AGBL4: variants seen among roughly 807,000 people sequenced by gnomAD.
AGBL4 encodes the protein cytosolic carboxypeptidase 6.
AGBL4 carries 58 observed loss-of-function variants against 66.4 expected under a neutral mutation model. The observed-to-expected ratio is 0.87, with a 90% CI of 0.71 to 1.09. The LOEUF is 1.09. AGBL4 is among the 50% of genes least tolerant of loss of function. The pLI is 0.00. For missense variants in AGBL4, 579 were observed against 631.0 expected, an observed-to-expected ratio of 0.92 and a Z score of 0.88; for synonymous variants, 234 against 222.9, an observed-to-expected ratio of 1.05 and a Z score of -0.44.
chr1:49,843,296 TTG>T (rs71307607), intron 2 of AGBL4, among the ~76,000 whole-genome samples: 3,429 of 147,778 alleles, frequency 0.023, 47 homozygotes, highest in Non-Finnish European at 0.036. Context: ...CTAGCTAATT[TTG>T]TGTGTGTGTG....
intron 4 of AGBL4, among the ~76,000 whole-genome samples, chr1:49,245,283 C>G (rs189885596): frequency 6.6e-6 from 1 of 150,914 alleles, no homozygotes; most frequent in East Asian, 1.9e-4. Context: ...CACACACACA[C>G]ACACACACAC....
intron 5 of AGBL4, among the ~76,000 whole-genome samples, chr1:48,873,375 T>A (rs766060934): frequency 2.0e-5 from 3 of 152,210 alleles, no homozygotes; most frequent in Admixed American, 2.0e-4. Flanking sequence ...GTTATTTGGC[T>A]CTTAACTCAC....
chr1:48,713,975 G>A (rs1443908071), intron 6 of AGBL4, among the ~76,000 whole-genome samples: 1 of 152,116 alleles, frequency 6.6e-6, no homozygotes, highest in Non-Finnish European at 1.5e-5. Flanking sequence ...CCCTACCCAA[G>A]GCTTGCTCAT....
intron 6 of AGBL4, chr1:48,761,270 ACT>A (rs1417141686): frequency 1.4e-6 from 2 of 1,461,970 alleles, no homozygotes; most frequent in African/African-American, 2.9e-5. Flanking sequence ...CCAGACTGAA[ACT>A]CTTTAGCTAC....
intron 1 of AGBL4, among the ~76,000 whole-genome samples, chr1:49,950,180 G>A (rs1214903367): frequency 7.0e-6 from 1 of 143,142 alleles, no homozygotes; most frequent in Non-Finnish European, 1.5e-5. Context: ...ATATACATAT[G>A]TATATACACA....
rs1553208755 is a variant in AGBL4 at position 48,694,056 on chromosome 1, A to AAG, written c.635-30816_635-30815insCT. Among the ~76,000 whole-genome samples, 125 of 150,646 alleles carry AAG rather than the reference A, an allele frequency of 8.3e-4. 1 individual carries two copies. The South Asian group carries it at 0.025, about 30-fold the overall frequency. On this transcript the variant is annotated intron_variant, in intron 6 of 13. Coordinates refer to ENST00000371839, the MANE Select transcript of AGBL4 (RefSeq NM_032785.4). ...CTGATTTTTTCCCTATTCAAAAAAA[A>AAG]AAAAAAAAAAAAAGCGGCAGAGCCT...
intron 4 of AGBL4, among the ~76,000 whole-genome samples, chr1:49,216,348 T>C (rs567424330): frequency 3.9e-4 from 60 of 152,260 alleles, no homozygotes; most frequent in Non-Finnish European, 6.2e-4. Context: ...ATATGAATGA[T>C]CCTAACACAC....
At chr1:49,454,928 C>G (rs561378638) in intron 3 of AGBL4, among the ~76,000 whole-genome samples, 1 of 151,714 alleles carries the variant, frequency 6.6e-6, no homozygotes, top group African/African-American at 2.4e-5. Context: ...ATCATATTCA[C>G]CAAGTTTATT....
At chr1:48,840,553 A>G (rs2148795688) in intron 6 of AGBL4, among the ~76,000 whole-genome samples, 1 of 152,342 alleles carries the variant, frequency 6.6e-6, no homozygotes, top group East Asian at 1.9e-4. Flanking sequence ...CATTAGGGAA[A>G]TGAGAATTAA....
intron 6 of AGBL4, among the ~76,000 whole-genome samples, chr1:48,748,527 G>A (rs1651131326): frequency 6.6e-6 from 1 of 152,182 alleles, no homozygotes; most frequent in Non-Finnish European, 1.5e-5. Context: ...GCTGCCTCTG[G>A]AGGAGACTAG....
At chr1:49,555,402 A>G (rs1177496330) in intron 3 of AGBL4, among the ~76,000 whole-genome samples, 1 of 148,742 alleles carries the variant, frequency 6.7e-6, no homozygotes, top group Admixed American at 6.8e-5. Flanking sequence ...AAGTTCTCCA[A>G]GTCCCCACTA....
At chr1:49,102,081 GT>G (rs1645213053) in intron 4 of AGBL4, among the ~76,000 whole-genome samples, 1 of 152,076 alleles carries the variant, frequency 6.6e-6, no homozygotes, top group South Asian at 2.1e-4. Context: ...CCAGCAGTAG[GT>G]TTTAGCAGCA....
rs146158231 is a variant in AGBL4 at position 49,059,677 on chromosome 1, T to C, written c.378-13877A>G. Among the ~76,000 whole-genome samples, 42 of 152,238 alleles carry C rather than the reference T, an allele frequency of 2.8e-4. 1 individual carries two copies. In the East Asian group the frequency reaches 8.1e-3, roughly 29 times the overall value. Reference sequence around the variant, plus strand: ...GTTAAAGCAGCCAGGAGGGGGACTGTACCCTGCAAAGCCACAGGGGCTTTG... The same window carrying C: ...GTTAAAGCAGCCAGGAGGGGGACTGCACCCTGCAAAGCCACAGGGGCTTTG... On this transcript the variant is annotated intron_variant, in intron 4 of 13. Coordinates refer to ENST00000371839, the MANE Select transcript of AGBL4 (RefSeq NM_032785.4).
intron 8 of AGBL4, among the ~76,000 whole-genome samples, chr1:48,639,186 G>A (rs1450358555): frequency 6.6e-6 from 1 of 152,242 alleles, no homozygotes; most frequent in Non-Finnish European, 1.5e-5. Context: ...AATCCTCAGA[G>A]AGTCTAGAGC....
chr1:49,310,443 T>C (rs1314097572), intron 3 of AGBL4, among the ~76,000 whole-genome samples: 1 of 152,088 alleles, frequency 6.6e-6, no homozygotes, highest in African/African-American at 2.4e-5. Flanking sequence ...GTGGAAAAGC[T>C]AACTGGATTT....
chr1:49,361,778 C>T (rs143225512), intron 3 of AGBL4, among the ~76,000 whole-genome samples: 219 of 152,222 alleles, frequency 1.4e-3, no homozygotes, highest in African/African-American at 5.0e-3. Context: ...TACACACACA[C>T]GCACGCATTA....
At chr1:48,565,214 C>A (rs1644457577) in intron 11 of AGBL4, among the ~76,000 whole-genome samples, 1 of 152,216 alleles carries the variant, frequency 6.6e-6, no homozygotes, top group Non-Finnish European at 1.5e-5. Context: ...TCACTGCCCT[C>A]TCCCAAGAGC....
intron 4 of AGBL4, among the ~76,000 whole-genome samples, chr1:49,051,185 G>A (rs1644203055): frequency 6.6e-6 from 1 of 152,032 alleles, no homozygotes; most frequent in African/African-American, 2.4e-5. Context: ...AGCAGAAAGG[G>A]ACATAATAAA....
chr1:49,937,617 G>A (rs931558124), intron 1 of AGBL4, among the ~76,000 whole-genome samples: 1 of 152,078 alleles, frequency 6.6e-6, no homozygotes, highest in African/African-American at 2.4e-5. Flanking sequence ...AAATGTAAAA[G>A]AACAGAAATT....
Sources: gnomAD v4.1 joint callset for allele counts (sites outside exome capture counted in the v4.1 genomes callset) on GRCh38, gnomAD v4.1.1 for gene constraint, MANE v1.5 for transcripts, NCBI Gene and HGNC (gene_info 2026-07-23, HGNC 2026-07-21) for gene names.